Variants in CTNNA3 observed in about 807,000 individuals in gnomAD.
The protein encoded by CTNNA3 is catenin alpha 3, also known as catenin alpha-3.
Under a neutral mutation model 95.7 loss-of-function variants are expected in CTNNA3, and 76 were observed. That is an observed-to-expected ratio of 0.79 (90% CI 0.66 to 0.96). The LOEUF is 0.96. Ranked by LOEUF, CTNNA3 falls within the 40% of genes least tolerant of loss-of-function variation. CTNNA3 has a pLI of 0.00. For synonymous variants in CTNNA3, 431 were observed against 374.4 expected (o/e 1.15, Z -1.74); for missense variants, 1,191 against 1,089.8 (o/e 1.09, Z -1.31).
chr10:66,521,452 AAG>A (rs1841065745), intron 10 of CTNNA3, among the ~76,000 whole-genome samples: 1 of 152,150 alleles, frequency 6.6e-6, no homozygotes. Context: ...AGTAAACAAA[AAG>A]AAATCAGAAA....
chr10:66,630,347 C>A (rs1478392093), intron 9 of CTNNA3, among the ~76,000 whole-genome samples: 1 of 152,138 alleles, frequency 6.6e-6, no homozygotes, highest in Non-Finnish European at 1.5e-5. Flanking sequence ...GCTTAGACAA[C>A]TGGACTTTCA....
At position 66,395,961 on chromosome 10, in the gene CTNNA3, G is replaced by A. The variant is rs79015381; in HGVS notation, c.1532-16609C>T. 7.9e-3 allele frequency among the ~76,000 whole-genome samples: 1,207 copies of A among 151,892 alleles called. 46 individuals are homozygous for A. The highest frequency in any genetic ancestry group is 0.055 in the Admixed American group (834 of 15,198). On this transcript the variant is annotated intron_variant, in intron 11 of 17. Transcript: ENST00000433211. ...TACCCTTCCCCCTTCTGGAGTTTGCGTTGTGTGTTATTTCCATCTTCATGT... is the reference window on the plus strand; with the variant it reads ...TACCCTTCCCCCTTCTGGAGTTTGCATTGTGTGTTATTTCCATCTTCATGT...
intron 9 of CTNNA3, among the ~76,000 whole-genome samples, chr10:66,721,033 G>C (rs1204765690): frequency 1.3e-5 from 2 of 152,126 alleles, no homozygotes; most frequent in African/African-American, 4.8e-5. Flanking sequence ...TAATTGGTTT[G>C]AGATGGGGCC....
chr10:67,267,936 G>A (rs1374295910), intron 5 of CTNNA3, among the ~76,000 whole-genome samples: 1 of 152,042 alleles, frequency 6.6e-6, no homozygotes, highest in African/African-American at 2.4e-5. Context: ...AAAGAGCCAA[G>A]AATTTAAAAA....
chr10:66,428,197 A>T (rs1191517787), intron 11 of CTNNA3, among the ~76,000 whole-genome samples: 1 of 152,230 alleles, frequency 6.6e-6, no homozygotes, highest in Non-Finnish European at 1.5e-5. Flanking sequence ...CAACAAGAAG[A>T]GCTAACTATC....
intron 9 of CTNNA3, among the ~76,000 whole-genome samples, chr10:66,676,175 G>GA (rs11372052): frequency 0.49 from 74,193 of 150,104 alleles, 18,476 homozygotes; most frequent in Middle Eastern, 0.54. Context: ...TGGACTGGGG[G>GA]AAAAAGAAAA....
chr10:67,093,119 GA>G (rs1397097662), intron 7 of CTNNA3, among the ~76,000 whole-genome samples: 39 of 151,926 alleles, frequency 2.6e-4, no homozygotes, highest in Non-Finnish European at 4.7e-4. Flanking sequence ...AATTCATGGA[GA>G]GAAACTTAAT....
At chr10:67,571,683 C>T (rs1841983566) in intron 3 of CTNNA3, among the ~76,000 whole-genome samples, 1 of 152,014 alleles carries the variant, frequency 6.6e-6, no homozygotes, top group Non-Finnish European at 1.5e-5. Flanking sequence ...ACTGGAGTCC[C>T]GTCAAGTGAA....
At chr10:66,334,033 C>CA (rs1460030977) in intron 12 of CTNNA3, among the ~76,000 whole-genome samples, 1 of 152,012 alleles carries the variant, frequency 6.6e-6, no homozygotes, top group Non-Finnish European at 1.5e-5. Flanking sequence ...TCTGTTTTAT[C>CA]AGAGACTAGG....
intron 5 of CTNNA3, among the ~76,000 whole-genome samples, chr10:67,359,398 G>A (rs1169723239): frequency 6.6e-6 from 1 of 151,998 alleles, no homozygotes; most frequent in African/African-American, 2.4e-5. Context: ...ATTAAAATGT[G>A]GAAATGACAG....
At chr10:67,727,163 A>C (rs1228706985) in intron 1 of CTNNA3, among the ~76,000 whole-genome samples, 13 of 122,632 alleles carry the variant, frequency 1.1e-4, no homozygotes, top group Admixed American at 9.6e-4. Context: ...AATTATATAT[A>C]ATATATGATA....
At chr10:67,276,922 G>A (rs946651319) in intron 5 of CTNNA3, among the ~76,000 whole-genome samples, 1 of 151,722 alleles carries the variant, frequency 6.6e-6, no homozygotes, top group Non-Finnish European at 1.5e-5. Flanking sequence ...AATATAACTA[G>A]TGTTTTATAA....
intron 11 of CTNNA3, among the ~76,000 whole-genome samples, chr10:66,391,154 C>A (rs566739250): frequency 6.6e-6 from 1 of 152,068 alleles, no homozygotes. Flanking sequence ...GCTGCTTATT[C>A]TTTCGCTTTT....
At chr10:66,692,364 A>G (rs1277104153) in intron 9 of CTNNA3, among the ~76,000 whole-genome samples, 2 of 152,196 alleles carry the variant, frequency 1.3e-5, no homozygotes, top group Admixed American at 6.5e-5. Flanking sequence ...GGGTATCAGC[A>G]ATGGAAGATG....
At chr10:66,203,632 A>G (rs1313653421) in intron 13 of CTNNA3, among the ~76,000 whole-genome samples, 1 of 152,136 alleles carries the variant, frequency 6.6e-6, no homozygotes, top group Non-Finnish European at 1.5e-5. Context: ...CATTGTTTTT[A>G]TAATTAATTT....
intron 9 of CTNNA3, among the ~76,000 whole-genome samples, chr10:66,702,678 G>A (rs1847986017): frequency 7.5e-6 from 1 of 134,084 alleles, no homozygotes; most frequent in African/African-American, 2.8e-5. Flanking sequence ...CGGCACTCTA[G>A]CCTGGGCAAC....
chr10:66,425,521 T>G (rs1471674836), intron 11 of CTNNA3, among the ~76,000 whole-genome samples: 1 of 152,062 alleles, frequency 6.6e-6, no homozygotes, highest in East Asian at 1.9e-4. Context: ...AATTTTAGTA[T>G]GTCCTGCCTA....
intron 7 of CTNNA3, among the ~76,000 whole-genome samples, chr10:67,155,574 T>C (rs1045152325): frequency 1.3e-5 from 2 of 152,038 alleles, no homozygotes; most frequent in African/African-American, 4.8e-5. Context: ...TTCTTTTAGT[T>C]ACCAAATAAT....
At chr10:66,617,434 A>T (rs1181995996) in intron 10 of CTNNA3, among the ~76,000 whole-genome samples, 1 of 152,182 alleles carries the variant, frequency 6.6e-6, no homozygotes, top group Non-Finnish European at 1.5e-5. Flanking sequence ...GTAATCCAGC[A>T]TATAAACAGA....
Sources: gnomAD v4.1 joint callset for allele counts (sites outside exome capture counted in the v4.1 genomes callset) on GRCh38, gnomAD v4.1.1 for gene constraint, MANE v1.5 for transcripts, NCBI Gene and HGNC (gene_info 2026-07-23, HGNC 2026-07-21) for gene names.